The following CLYBL variants were observed in gnomAD, a reference collection of about 807,000 sequenced individuals.
The protein encoded by CLYBL is citramalyl-CoA lyase.
Under a neutral mutation model 38.9 loss-of-function variants are expected in CLYBL, and 31 were observed. That is an observed-to-expected ratio of 0.80 (90% CI 0.60 to 1.08). The LOEUF (loss-of-function observed/expected upper bound fraction) is 1.08. Among genes scored for constraint, CLYBL ranks in the 50% least tolerant of loss-of-function variants. CLYBL has a pLI of 0.00. For synonymous variants in CLYBL, 171 were observed against 158.6 expected (o/e 1.08, Z -0.59); for missense variants, 434 against 411.6 (o/e 1.05, Z -0.47).
intron 2 of CLYBL, among the ~76,000 whole-genome samples, chr13:99,788,172 C>T (rs1424386222): frequency 2.0e-5 from 3 of 152,176 alleles, no homozygotes; most frequent in Non-Finnish European, 2.9e-5. Flanking sequence ...TCCTCATTTC[C>T]TAATTGAGTA....
At chr13:99,625,963 T>G (rs1209427797) in intron 1 of CLYBL, among the ~76,000 whole-genome samples, 1 of 151,996 alleles carries the variant, frequency 6.6e-6, no homozygotes, top group East Asian at 1.9e-4. Flanking sequence ...CTAAGAAGGG[T>G]GCGGTGTGAG....
At chr13:99,721,913 C>G (rs1051364995) in intron 1 of CLYBL, among the ~76,000 whole-genome samples, 4 of 152,146 alleles carry the variant, frequency 2.6e-5, no homozygotes, top group Admixed American at 2.6e-4. Flanking sequence ...TTCTGGAGCA[C>G]TGCTTTACCT....
intron 7 of CLYBL, among the ~76,000 whole-genome samples, chr13:99,881,589 A>AT (rs1017589977): frequency 0.047 from 6,419 of 136,192 alleles, 386 homozygotes; most frequent in African/African-American, 0.14. Context: ...CATCCAGTTA[A>AT]TTTTTTTTTT....
At chr13:99,645,167 C>T (rs2139283134) in intron 1 of CLYBL, among the ~76,000 whole-genome samples, 1 of 152,194 alleles carries the variant, frequency 6.6e-6, no homozygotes, top group South Asian at 2.1e-4. Context: ...TTTTCCATAT[C>T]CTCGCTAGCA....
In CLYBL at chr13:99,714,623, A is replaced by T. The variant is rs926581856; in HGVS notation, c.63-58201A>T. Among the ~76,000 whole-genome samples, 7 of 150,038 alleles carry T rather than the reference A, an allele frequency of 4.7e-5. 1 individual carries two copies. In the South Asian group the frequency reaches 1.0e-3, roughly 22 times the overall value. On this transcript the variant is annotated intron_variant, in intron 1 of 8. Coordinates refer to ENST00000339105, the MANE Select transcript of CLYBL (RefSeq NM_206808.5). ...CAGAGTGAGACTCCGTCTCAAAAAT[A>T]AATAAATAAATAAATAATAAAAATA...
intron 2 of CLYBL, among the ~76,000 whole-genome samples, chr13:99,848,066 C>T (rs181879767): frequency 9.9e-5 from 15 of 152,152 alleles, no homozygotes; most frequent in Admixed American, 7.9e-4. Context: ...CTGTTCCTGC[C>T]GCTGCCCTGC....
chr13:99,758,391 G>C (rs1024537841), intron 1 of CLYBL, among the ~76,000 whole-genome samples: 1 of 152,258 alleles, frequency 6.6e-6, no homozygotes, highest in African/African-American at 2.4e-5. Flanking sequence ...TTTTTTCAAC[G>C]CATCTTAAGC....
chr13:99,835,306 C>G (rs551328149), intron 2 of CLYBL, among the ~76,000 whole-genome samples: 28 of 152,276 alleles, frequency 1.8e-4, no homozygotes, highest in Admixed American at 7.8e-4. Context: ...CCGGGTGGTC[C>G]AAGGCAGGTG....
chr13:99,657,456 A>G (rs2047345120), intron 1 of CLYBL, among the ~76,000 whole-genome samples: 2 of 152,244 alleles, frequency 1.3e-5, no homozygotes, highest in Non-Finnish European at 2.9e-5. Flanking sequence ...AGTTCTTTCA[A>G]AAATCTTTCT....
At chr13:99,610,170 G>A (rs1020745305) in intron 1 of CLYBL, among the ~76,000 whole-genome samples, 38 of 152,176 alleles carry the variant, frequency 2.5e-4, no homozygotes, top group African/African-American at 8.4e-4. Flanking sequence ...CCAAAGCAGT[G>A]GAATTCTAGG....
rs527280749 is a variant in CLYBL, at chr13:99,654,475, T to A, written c.62+47718T>A. On this transcript the variant is annotated intron_variant, in intron 1 of 8. Coordinates refer to ENST00000339105, the MANE Select transcript of CLYBL (RefSeq NM_206808.5). ...AGGGTGGGCTGCTCCAACCCAAATC[T>A]TCTTCTCCCAAGTCTTCTCTTTCCC... 2.0e-5 allele frequency among the ~76,000 whole-genome samples: 3 copies of A among 152,332 alleles called. No individual in the cohort carries two copies. In the South Asian group the frequency reaches 6.2e-4, roughly 32 times the overall value.
At chr13:99,797,034 A>C (rs1301585631) in intron 2 of CLYBL, among the ~76,000 whole-genome samples, 1 of 152,212 alleles carries the variant, frequency 6.6e-6, no homozygotes, top group African/African-American at 2.4e-5. Flanking sequence ...GTTACATGTG[A>C]TCAATATATG....
At chr13:99,827,395 T>C (rs2050715231) in intron 2 of CLYBL, among the ~76,000 whole-genome samples, 1 of 152,104 alleles carries the variant, frequency 6.6e-6, no homozygotes, top group African/African-American at 2.4e-5. Context: ...GTCAATGGCC[T>C]CCAAAGAGAC....
chr13:99,762,141 C>T (rs985310825), intron 1 of CLYBL, among the ~76,000 whole-genome samples: 1 of 151,924 alleles, frequency 6.6e-6, no homozygotes, highest in African/African-American at 2.4e-5. Context: ...TTATTGTTTC[C>T]TTTGCTGCGC....
At chr13:99,637,764 T>C (rs1409351751) in intron 1 of CLYBL, among the ~76,000 whole-genome samples, 1 of 152,064 alleles carries the variant, frequency 6.6e-6, no homozygotes, top group Non-Finnish European at 1.5e-5. Context: ...TCTCAAATAA[T>C]AATAATAAAA....
intron 1 of CLYBL, among the ~76,000 whole-genome samples, chr13:99,649,172 C>T (rs2047216696): frequency 6.6e-6 from 1 of 152,110 alleles, no homozygotes; most frequent in Non-Finnish European, 1.5e-5. Flanking sequence ...AGCACAGATG[C>T]TGCACAGTCT....
intron 1 of CLYBL, among the ~76,000 whole-genome samples, chr13:99,700,207 C>T (rs1313084075): frequency 6.6e-6 from 1 of 152,042 alleles, no homozygotes; most frequent in Admixed American, 6.5e-5. Context: ...AATCTCAGCA[C>T]TTTGGGAGGC....
At chr13:99,663,586 T>C (rs956552599) in intron 1 of CLYBL, among the ~76,000 whole-genome samples, 1 of 152,196 alleles carries the variant, frequency 6.6e-6, no homozygotes, top group African/African-American at 2.4e-5. Context: ...GGGACCATGC[T>C]GCCTGCCTGT....
rs898280141 is a variant in CLYBL, at chr13:99,715,010, T to A, written c.63-57814T>A. ...AACCATCAATAGAGAGTTATTTGTG[T>A]ATGGAACTGATGGGCCTCACTGTAA... is the stretch of plus-strand genomic sequence containing the variant. On this transcript the variant is annotated intron_variant, in intron 1 of 8. Transcript: ENST00000339105. Among the ~76,000 whole-genome samples, 9 of 152,158 alleles carry A rather than the reference T, an allele frequency of 5.9e-5. 1 individual carries two copies. In the South Asian group the frequency reaches 6.2e-4, roughly 11 times the overall value.
Sources: gnomAD v4.1 joint callset for allele counts (sites outside exome capture counted in the v4.1 genomes callset) on GRCh38, gnomAD v4.1.1 for gene constraint, MANE v1.5 for transcripts, NCBI Gene and HGNC (gene_info 2026-07-23, HGNC 2026-07-21) for gene names.